The following SYNPO2 variants were observed in gnomAD, a reference collection of about 807,000 sequenced individuals.
SYNPO2 encodes the protein synaptopodin-2.
A neutral mutation model predicts 85.0 loss-of-function variants in SYNPO2; 56 were observed. That is an observed-to-expected ratio of 0.66 (90% CI 0.53 to 0.82). The LOEUF (loss-of-function observed/expected upper bound fraction) is 0.82. SYNPO2 is among the 40% of genes least tolerant of loss of function. The pLI, the probability that SYNPO2 is intolerant of heterozygous loss-of-function variation, is 0.00. For synonymous variants in SYNPO2, 602 were observed against 591.1 expected (o/e 1.02, Z -0.27); for missense variants, 1,575 against 1,534.2 (o/e 1.03, Z -0.44).
chr4:118,878,813 C>A (rs1421732144), intron 1 of SYNPO2, among the ~76,000 whole-genome samples: 2 of 152,164 alleles, frequency 1.3e-5, no homozygotes, highest in Non-Finnish European at 2.9e-5. Context: ...ATGGGTGGGG[C>A]CAAATAAGGG....
At position 119,012,849 on chromosome 4, in the gene SYNPO2, T is replaced by G. The variant is rs535401069; in HGVS notation, c.106-10581T>G. ...CTTTACTACTGTAAATGGCAGCACA[T>G]TGTTCTTAAAAGGCAGCATTTTCTG... On this transcript the variant is annotated intron_variant, in intron 1 of 4. Transcript: ENST00000307142. 9.9e-5 allele frequency among the ~76,000 whole-genome samples: 15 copies of G among 152,142 alleles called. No individual in the cohort carries two copies. The South Asian group carries it at 2.5e-3, about 25-fold the overall frequency.
intron 2 of SYNPO2, among the ~76,000 whole-genome samples, chr4:119,024,529 C>G (rs1471858351): frequency 6.6e-6 from 1 of 152,106 alleles, no homozygotes; most frequent in African/African-American, 2.4e-5. Context: ...TGGCCAAAAT[C>G]TTGAGACAAC....
intron 4 of SYNPO2, chr4:119,043,555 G>A (rs1738782370): frequency 6.6e-6 from 1 of 152,196 alleles, no homozygotes. Context: ...TTTAATAAAT[G>A]TGTGGTCTAC....
At chr4:118,860,512 G>A (rs891984495) in intron 1 of SYNPO2, among the ~76,000 whole-genome samples, 1 of 151,030 alleles carries the variant, frequency 6.6e-6, no homozygotes, top group Admixed American at 6.6e-5. Flanking sequence ...CTAAATTTCT[G>A]GGATTATAGG....
chr4:119,015,522 G>GA (rs1003387008), intron 1 of SYNPO2, among the ~76,000 whole-genome samples: 18 of 151,616 alleles, frequency 1.2e-4, no homozygotes, highest in East Asian at 1.9e-4. Flanking sequence ...AACAGTTTCA[G>GA]AAAAAAAAGC....
rs1404758652 is a variant in SYNPO2, at chr4:119,036,645, G to A, written c.3252+4618G>A. 12 of 985,348 alleles carry A rather than the reference G, an allele frequency of 1.2e-5. No homozygotes were observed. In the South Asian group the frequency reaches 4.2e-4, roughly 35 times the overall value. 61.0% of individuals were successfully genotyped at this position (985,348 alleles called of 1,614,324 possible). On this transcript the variant is annotated intron_variant, in intron 4 of 4. Coordinates refer to ENST00000307142, the MANE Select transcript of SYNPO2 (RefSeq NM_133477.3). ...GTACAAAAATGACAGGTCATCCTAT[G>A]AGCGTCATGCCAATGAAACCCCATC...
intron 1 of SYNPO2, among the ~76,000 whole-genome samples, chr4:119,022,122 G>A (rs964082741): frequency 1.6e-4 from 24 of 152,016 alleles, no homozygotes; most frequent in African/African-American, 5.8e-4. Flanking sequence ...TAATATCCAG[G>A]CTCCCTGGTG....
intron 4 of SYNPO2, chr4:119,036,058 TC>T: frequency 1.0e-6 from 1 of 985,420 alleles, no homozygotes; most frequent in Non-Finnish European, 1.2e-6. Context: ...TGGCTGCGTA[TC>T]ATTTCATCCA....
At chr4:118,958,899 C>G (rs1017874831) in intron 1 of SYNPO2, among the ~76,000 whole-genome samples, 1 of 152,020 alleles carries the variant, frequency 6.6e-6, no homozygotes. Context: ...GAGGCAAGAC[C>G]AATGTTTCTG....
chr4:118,858,973 A>G (rs1477883770), intron 1 of SYNPO2, among the ~76,000 whole-genome samples: 2 of 152,196 alleles, frequency 1.3e-5, no homozygotes, highest in African/African-American at 2.4e-5. Context: ...TGGAGGCGTT[A>G]TCTAGAAGCA....
intron 1 of SYNPO2, among the ~76,000 whole-genome samples, chr4:118,954,591 G>A (rs1560905995): frequency 1.3e-5 from 2 of 152,092 alleles, no homozygotes; most frequent in Non-Finnish European, 2.9e-5. Flanking sequence ...AGCCACAGGG[G>A]GAAAATACTT....
intron 1 of SYNPO2, among the ~76,000 whole-genome samples, chr4:118,882,857 C>T (rs1732131075): frequency 6.6e-6 from 1 of 151,902 alleles, no homozygotes; most frequent in African/African-American, 2.4e-5. Flanking sequence ...GCAAGCTCCA[C>T]CTCCCGGGTT....
At chr4:119,023,070 C>A (rs117932606) in intron 1 of SYNPO2, among the ~76,000 whole-genome samples, 1 of 152,196 alleles carries the variant, frequency 6.6e-6, no homozygotes, top group Non-Finnish European at 1.5e-5. Context: ...GCCACCACGC[C>A]TGGCCTGAAT....
intron 1 of SYNPO2, among the ~76,000 whole-genome samples, chr4:118,940,495 ATT>A (rs11456694): frequency 6.6e-6 from 1 of 151,332 alleles, no homozygotes; most frequent in South Asian, 2.1e-4. Context: ...GCAAGCTTTC[ATT>A]TTTTTTTCAT....
chr4:118,864,504 G>A (rs1279238815), intron 1 of SYNPO2, among the ~76,000 whole-genome samples: 1 of 152,152 alleles, frequency 6.6e-6, no homozygotes, highest in Non-Finnish European at 1.5e-5. Flanking sequence ...TTGATTTTCT[G>A]TCTGAAAGAT....
chr4:118,900,716 T>C (rs1335735452), intron 1 of SYNPO2, among the ~76,000 whole-genome samples: 38 of 112,112 alleles, frequency 3.4e-4, no homozygotes, highest in Non-Finnish European at 7.0e-4. Flanking sequence ...TATATATATA[T>C]ATATATATAT....
intron 4 of SYNPO2, among the ~76,000 whole-genome samples, chr4:119,049,159 G>A (rs900189663): frequency 2.0e-4 from 30 of 152,168 alleles, no homozygotes; most frequent in African/African-American, 6.5e-4. Flanking sequence ...ATGGAGAGCA[G>A]TCAACACTGA....
intron 1 of SYNPO2, among the ~76,000 whole-genome samples, chr4:118,946,486 C>G (rs1252687064): frequency 8.0e-6 from 1 of 125,062 alleles, no homozygotes; most frequent in Non-Finnish European, 1.8e-5. Flanking sequence ...AATCTGCCAC[C>G]CAAAAAGAAT....
intron 1 of SYNPO2, among the ~76,000 whole-genome samples, chr4:118,957,095 G>C (rs1252221406): frequency 6.6e-6 from 1 of 151,960 alleles, no homozygotes; most frequent in Non-Finnish European, 1.5e-5. Context: ...ATGGTGATAA[G>C]AAGCTATGGA....
Sources: gnomAD v4.1 joint callset for allele counts (sites outside exome capture counted in the v4.1 genomes callset) on GRCh38, gnomAD v4.1.1 for gene constraint, MANE v1.5 for transcripts, NCBI Gene and HGNC (gene_info 2026-07-23, HGNC 2026-07-21) for gene names.